ESRRG: variants seen among roughly 807,000 people sequenced by gnomAD.
The protein encoded by ESRRG is estrogen related receptor gamma.
ESRRG carries 13 observed loss-of-function variants against 44.0 expected under a neutral mutation model. That is an observed-to-expected ratio of 0.30 (90% CI 0.19 to 0.47). The LOEUF (loss-of-function observed/expected upper bound fraction) is 0.47, where lower values mean the gene tolerates loss of function less well. Ranked by LOEUF, ESRRG falls within the 20% of genes least tolerant of loss-of-function variation. ESRRG has a pLI of 1.00. For synonymous variants in ESRRG, 215 were observed against 214.6 expected, an observed-to-expected ratio of 1.00 and a Z score of -0.02; for missense variants, 395 against 580.6, an observed-to-expected ratio of 0.68 and a Z score of 3.29.
At chr1:217,128,544 G>C (rs574516452) in intron 1 of ESRRG, among the ~76,000 whole-genome samples, 1 of 152,106 alleles carries the variant, frequency 6.6e-6, no homozygotes. Context: ...TATTTAAACA[G>C]AGGAGACTAT....
chr1:216,870,086 T>C (rs1307800883), intron 2 of ESRRG, among the ~76,000 whole-genome samples: 1 of 152,010 alleles, frequency 6.6e-6, no homozygotes, highest in Non-Finnish European at 1.5e-5. Context: ...AGAAAGCATT[T>C]AGTGTTTCAC....
chr1:217,107,662 C>T (rs137934398), intron 1 of ESRRG, among the ~76,000 whole-genome samples: 1,562 of 152,208 alleles, frequency 0.01, 30 homozygotes, highest in African/African-American at 0.036. Flanking sequence ...TGTTTCAGTG[C>T]CCAAACTTAA....
At chr1:216,964,052 G>A (rs2150207972) in intron 1 of ESRRG, among the ~76,000 whole-genome samples, 1 of 152,246 alleles carries the variant, frequency 6.6e-6, no homozygotes, top group Middle Eastern at 3.4e-3. Context: ...AGGTCCTGTG[G>A]CAAAAAGGAG....
chr1:216,545,205 G>A (rs969701710), intron 5 of ESRRG, among the ~76,000 whole-genome samples: 1 of 150,556 alleles, frequency 6.6e-6, no homozygotes, highest in African/African-American at 2.4e-5. Context: ...ACACCAGCAT[G>A]CCTAGCTAAT....
rs948726247 is a variant in ESRRG at position 216,677,506 on chromosome 1, A to T, written c.57-15T>A. 1 of 1,579,564 alleles carries T rather than the reference A, an allele frequency of 6.3e-7. No individual in the cohort carries two copies. The highest frequency in any genetic ancestry group is 8.6e-7 in the Non-Finnish European group (1 of 1,160,274). On this transcript the variant is annotated splice_polypyrimidine_tract_variant and intron_variant, in intron 1 of 6. Coordinates refer to ENST00000408911, the MANE Select transcript of ESRRG (RefSeq NM_001438.4). ...TGCAGAGAAGCCTGAGATTGAGGAG[A>T]TACAAAGAGAGACAGAAAGAGGAGA...
chr1:217,061,334 AAG>A (rs575638977), intron 1 of ESRRG, among the ~76,000 whole-genome samples: 46 of 152,122 alleles, frequency 3.0e-4, no homozygotes, highest in Non-Finnish European at 6.0e-4. Flanking sequence ...TAAGCCCCCA[AAG>A]AGAGAGAGAA....
At chr1:216,590,676 A>G (rs2057497277) in intron 3 of ESRRG, among the ~76,000 whole-genome samples, 1 of 152,222 alleles carries the variant, frequency 6.6e-6, no homozygotes, top group Non-Finnish European at 1.5e-5. Context: ...AAGACTGAGT[A>G]TTATTCAGTA....
chr1:216,523,009 C>T (rs2046547683), intron 5 of ESRRG, among the ~76,000 whole-genome samples: 1 of 152,120 alleles, frequency 6.6e-6, no homozygotes, highest in Non-Finnish European at 1.5e-5. Context: ...ATATGCTTTG[C>T]AGTTGTGTCG....
upstream of ESRRG, among the ~76,000 whole-genome samples, chr1:216,725,699 C>A (rs1229514735): frequency 2.6e-5 from 4 of 152,014 alleles, no homozygotes; most frequent in Admixed American, 1.3e-4. Context: ...GATACACACA[C>A]ACACAAAAAA....
At chr1:216,746,913 G>A (rs1576079428) in intron 2 of ESRRG, among the ~76,000 whole-genome samples, 5 of 151,982 alleles carry the variant, frequency 3.3e-5, no homozygotes, top group East Asian at 1.9e-4. Context: ...TCCTTAAAAC[G>A]GCCTTATTTA....
intron 2 of ESRRG, among the ~76,000 whole-genome samples, chr1:216,764,185 TTTC>T (rs1414773218): frequency 6.6e-6 from 1 of 151,552 alleles, no homozygotes; most frequent in African/African-American, 2.4e-5. Context: ...ATTCTTTTTT[TTTC>T]TTTCTCTCCC....
intron 2 of ESRRG, among the ~76,000 whole-genome samples, chr1:216,671,280 T>C (rs1324691111): frequency 1.3e-5 from 2 of 152,190 alleles, no homozygotes; most frequent in Non-Finnish European, 2.9e-5. Context: ...CACGATAAGC[T>C]AAATATAACT....
intron 2 of ESRRG, among the ~76,000 whole-genome samples, chr1:216,675,221 G>A (rs114298897): frequency 0.012 from 1,849 of 151,934 alleles, 10 homozygotes; most frequent in Non-Finnish European, 0.018. Context: ...TTAGAGAAGC[G>A]TGTTGGTGCA....
chr1:216,586,583 T>C (rs113866269), intron 3 of ESRRG, among the ~76,000 whole-genome samples: 21,582 of 144,370 alleles, frequency 0.15, 2,006 homozygotes, highest in Non-Finnish European at 0.21. Flanking sequence ...CTTTTGGGCT[T>C]TTTTTTTTTT....
chr1:216,504,533 G>A lies in ESRRG; in HGVS notation c.*2406C>T, dbSNP rs1321528670. ...TAATGATAGATACACAGTATTCCTA[G>A]CACTGGGTTGATGTTTCATCAACCC... On this transcript the variant is annotated 3_prime_UTR_variant, in exon 7 of 7. Transcript: ENST00000408911. The A allele has an allele frequency of 6.6e-6, 1 of 152,482 alleles. No individual in the cohort carries two copies. Among genetic ancestry groups the A allele is most frequent in the African/African-American group, 2.4e-5 (1 of 41,418 alleles). The allele number at this position is 152,482 out of a possible 1,614,324, so 9.4% of individuals were successfully genotyped here. A position where few individuals can be genotyped will look rare whatever the true frequency, so the allele number is the denominator to read the frequency against.
chr1:217,042,262 A>C (rs1194184622), intron 1 of ESRRG, among the ~76,000 whole-genome samples: 1 of 152,170 alleles, frequency 6.6e-6, no homozygotes, highest in Non-Finnish European at 1.5e-5. Context: ...GCAGATCCTG[A>C]GTTGCTAAAA....
chr1:216,991,659 GAT>G, intron 1 of ESRRG, among the ~76,000 whole-genome samples: 1 of 130,492 alleles, frequency 7.7e-6, no homozygotes, highest in African/African-American at 2.8e-5. Flanking sequence ...GATGGGATGG[GAT>G]GGGATGGGAT....
intron 3 of ESRRG, among the ~76,000 whole-genome samples, chr1:216,592,128 C>T (rs528688071): frequency 6.6e-6 from 1 of 152,264 alleles, no homozygotes; most frequent in Non-Finnish European, 1.5e-5. Context: ...CATAATAGCC[C>T]AAATTGAGGA....
chr1:216,774,721 G>A (rs1287217381), intron 2 of ESRRG, among the ~76,000 whole-genome samples: 1 of 151,410 alleles, frequency 6.6e-6, no homozygotes, highest in Non-Finnish European at 1.5e-5. Context: ...CTGTGACTGT[G>A]TACGAACAGA....
Sources: allele counts gnomAD v4.1 joint callset (sites outside exome capture counted in the v4.1 genomes callset), GRCh38; gene constraint gnomAD v4.1.1; transcripts MANE v1.5; gene names NCBI Gene and HGNC (gene_info 2026-07-23, HGNC 2026-07-21).